IKBKB-DT: variants seen among roughly 807,000 people sequenced by gnomAD.
IKBKB-DT encodes the protein IKBKB antisense RNA.
intron 3 of IKBKB-DT, among the ~76,000 whole-genome samples, chr8:42,259,645 C>G (rs1413923587): frequency 6.6e-6 from 1 of 152,068 alleles, no homozygotes; most frequent in Non-Finnish European, 1.5e-5. Context: ...ACAGGTTCTT[C>G]CCGCCTGCTG....
chr8:42,265,637 C>T (rs560254364), exon 2 of IKBKB-DT: 3 of 152,246 alleles, frequency 2.0e-5, no homozygotes, highest in Non-Finnish European at 2.9e-5. Flanking sequence ...TAGACGTCTA[C>T]ACCGGCCCAT....
intron 3 of IKBKB-DT, among the ~76,000 whole-genome samples, chr8:42,245,094 A>C (rs1019801640): frequency 6.8e-6 from 1 of 147,632 alleles, no homozygotes; most frequent in Non-Finnish European, 1.5e-5. Context: ...CTAAAATACA[A>C]AAAAAAAAAA....
At chr8:42,257,499 C>CAA (rs34815336) in intron 3 of IKBKB-DT, among the ~76,000 whole-genome samples, 7,563 of 143,466 alleles carry the variant, frequency 0.053, 275 homozygotes, top group Middle Eastern at 0.14. Context: ...GACTCCATCT[C>CAA]AAAAAAAAAA....
chr8:42,245,718 C>T (rs1807055289), intron 3 of IKBKB-DT, among the ~76,000 whole-genome samples: 1 of 152,162 alleles, frequency 6.6e-6, no homozygotes, highest in African/African-American at 2.4e-5. Context: ...ACCTGAGAGC[C>T]CTTACCCGGA....
At chr8:42,260,862 G>A (rs1045365048) in intron 3 of IKBKB-DT, among the ~76,000 whole-genome samples, 6 of 152,098 alleles carry the variant, frequency 3.9e-5, no homozygotes, top group Admixed American at 6.6e-5. Flanking sequence ...TAAAACCAAT[G>A]AGCCTTTTAT....
intron 1 of IKBKB-DT, among the ~76,000 whole-genome samples, chr8:42,267,257 C>G (rs924350835): frequency 7.2e-5 from 11 of 151,990 alleles, no homozygotes; most frequent in African/African-American, 2.4e-4. Context: ...ACCTGCCTCC[C>G]AAAGTGCTGG....
rs185462434 is a variant in IKBKB-DT, at chr8:42,239,616, A to T, written n.1530-5757T>A. On this transcript the variant is annotated intron_variant and non_coding_transcript_variant, in intron 3 of 3. Coordinates refer to ENST00000518213, the Ensembl canonical transcript of IKBKB-DT. ...AACCAATTTTTGTAAAAGGCAATTT[A>T]TATATATATATATATATATTTATTT... is the stretch of plus-strand genomic sequence containing the variant. 8.0e-3 allele frequency among the ~76,000 whole-genome samples: 418 copies of T among 52,514 alleles called. 10 individuals are homozygous for T. The highest frequency in any genetic ancestry group is 0.03 in the South Asian group (43 of 1,442). The allele number at this position is 52,514 out of a possible 152,430, so 34.5% of individuals were successfully genotyped here.
rs190730558 is a variant in IKBKB-DT, at chr8:42,236,897, T to A, written n.1530-3038A>T. ...CAAAATTTTAATTTAAAATATTTTT[T>A]AAATTAGAGACAAGGTCTCACCATG... On this transcript the variant is annotated intron_variant and non_coding_transcript_variant, in intron 3 of 3. Coordinates refer to ENST00000518213, the Ensembl canonical transcript of IKBKB-DT. Among the ~76,000 whole-genome samples the A allele has an allele frequency of 1.5e-4, 23 of 152,296 alleles. No homozygotes were observed. The East Asian group carries it at 3.9e-3, about 25-fold the overall frequency.
intron 3 of IKBKB-DT, among the ~76,000 whole-genome samples, chr8:42,236,326 T>A (rs992488648): frequency 1.3e-5 from 2 of 152,156 alleles, no homozygotes; most frequent in Non-Finnish European, 2.9e-5. Flanking sequence ...ATGCTTCCTA[T>A]GTAATTTAAC....
intron 1 of IKBKB-DT, among the ~76,000 whole-genome samples, chr8:42,268,865 C>G (rs1479419100): frequency 6.6e-6 from 1 of 152,150 alleles, no homozygotes; most frequent in East Asian, 1.9e-4. Context: ...CCTCACCTGG[C>G]CAATAAATAT....
At chr8:42,259,194 T>C (rs1458350754) in intron 3 of IKBKB-DT, among the ~76,000 whole-genome samples, 4 of 152,118 alleles carry the variant, frequency 2.6e-5, no homozygotes, top group Non-Finnish European at 4.4e-5. Flanking sequence ...TCTGACTAAC[T>C]TTGTATTTTT....
chr8:42,256,038 A>G (rs1807196072), intron 3 of IKBKB-DT, among the ~76,000 whole-genome samples: 1 of 146,788 alleles, frequency 6.8e-6, no homozygotes, highest in African/African-American at 2.5e-5. Flanking sequence ...AAAAAAAAAA[A>G]GAAAAAGAAA....
chr8:42,240,491 G>C (rs1194402828), intron 3 of IKBKB-DT, among the ~76,000 whole-genome samples: 1 of 151,728 alleles, frequency 6.6e-6, no homozygotes, highest in Admixed American at 6.6e-5. Context: ...CGGGCATGGT[G>C]GTGGACGCCT....
intron 1 of IKBKB-DT, among the ~76,000 whole-genome samples, chr8:42,269,560 C>T (rs568069207): frequency 2.2e-5 from 2 of 92,608 alleles, no homozygotes; most frequent in African/African-American, 4.3e-5. Context: ...ACCAAGTAGC[C>T]GGGAAGGGAA....
At chr8:42,241,693 G>T (rs1807005923) in intron 3 of IKBKB-DT, among the ~76,000 whole-genome samples, 1 of 152,100 alleles carries the variant, frequency 6.6e-6, no homozygotes, top group Admixed American at 6.6e-5. Context: ...GGAAACAAAT[G>T]AAAAAATAGA....
chr8:42,270,973 G>A (rs774620335), exon 1 of IKBKB-DT: 2 of 216,456 alleles, frequency 9.2e-6, no homozygotes, highest in African/African-American at 4.8e-5. Context: ...AATCATCCCA[G>A]CGGGGGCGCG....
At chr8:42,251,453 A>G (rs1807127715) in intron 3 of IKBKB-DT, among the ~76,000 whole-genome samples, 1 of 152,226 alleles carries the variant, frequency 6.6e-6, no homozygotes, top group Non-Finnish European at 1.5e-5. Flanking sequence ...TAACATGTCC[A>G]TATAAGGAAG....
intron 3 of IKBKB-DT, among the ~76,000 whole-genome samples, chr8:42,255,797 G>T (rs145494663): frequency 6.6e-6 from 1 of 151,846 alleles, no homozygotes; most frequent in African/African-American, 2.4e-5. Context: ...AGGCCGAGGC[G>T]GGTGGATCAC....
At chr8:42,263,095 T>C (rs1807312941) in intron 3 of IKBKB-DT, among the ~76,000 whole-genome samples, 1 of 151,920 alleles carries the variant, frequency 6.6e-6, no homozygotes, top group African/African-American at 2.4e-5. Flanking sequence ...CAGGGTGGTC[T>C]CAAACTCCTG....
Sources: allele counts gnomAD v4.1 joint callset (sites outside exome capture counted in the v4.1 genomes callset), GRCh38; gene constraint gnomAD v4.1.1; transcripts MANE v1.5; gene names NCBI Gene and HGNC (gene_info 2026-07-23, HGNC 2026-07-21).